Variants in RCBTB2 observed in about 807,000 individuals in gnomAD.
The protein encoded by RCBTB2 is RCC1 and BTB domain-containing protein 2.
In RCBTB2, 55 loss-of-function variants were observed where a neutral mutation model predicts 65.4. The ratio of observed to expected loss-of-function variants is 0.84; its 90% CI spans 0.68 to 1.05. RCBTB2 has a LOEUF of 1.05. Among genes scored for constraint, RCBTB2 ranks in the 50% least tolerant of loss-of-function variants. The probability of loss-of-function intolerance (pLI) is 0.00; values close to 1 mark genes in which losing one functional copy is unlikely to be tolerated. For missense variants in RCBTB2, 599 were observed against 680.1 expected, an observed-to-expected ratio of 0.88 and a Z score of 1.33; for synonymous variants, 220 against 255.2, an observed-to-expected ratio of 0.86 and a Z score of 1.31.
chr13:48,525,741 A>C (rs1252248181), intron 1 of RCBTB2, among the ~76,000 whole-genome samples: 1 of 152,122 alleles, frequency 6.6e-6, no homozygotes, highest in Non-Finnish European at 1.5e-5. Flanking sequence ...TATGCATACT[A>C]TATAGCTATT....
At chr13:48,498,024 C>G (rs1950054647) in intron 13 of RCBTB2, among the ~76,000 whole-genome samples, 1 of 152,252 alleles carries the variant, frequency 6.6e-6, no homozygotes, top group Non-Finnish European at 1.5e-5. Flanking sequence ...GAACCTGGGA[C>G]TGCCTGCATA....
chr13:48,493,225 T>TCACACACACACACACACA lies in RCBTB2; in HGVS notation c.1515+2948_1515+2965dup, dbSNP rs3085589. Among the ~76,000 whole-genome samples the TCACACACACACACACACA allele has an allele frequency of 9.3e-3, 1,018 of 109,062 alleles. 55 individuals carry two copies. Among genetic ancestry groups the TCACACACACACACACACA allele is most frequent in the African/African-American group, 0.047 (842 of 18,066 alleles). The allele number at this position is 109,062 out of a possible 152,430, so 71.5% of individuals were successfully genotyped here. On this transcript the variant is annotated intron_variant, in intron 14 of 14. Coordinates refer to ENST00000344532, the MANE Select transcript of RCBTB2 (RefSeq NM_001268.4). ...TATACAGCCTCCTAAGTACCCTCCT[T>TCACACACACACACACACA]CACACACACACACACACACACACAC...
chr13:48,499,222 G>C (rs1950124124), intron 13 of RCBTB2, among the ~76,000 whole-genome samples: 1 of 150,186 alleles, frequency 6.7e-6, no homozygotes, highest in Non-Finnish European at 1.5e-5. Flanking sequence ...AGAATTTTTA[G>C]CCAAGCTACG....
At chr13:48,505,342 G>A (rs1051230356) in intron 10 of RCBTB2, among the ~76,000 whole-genome samples, 6 of 152,166 alleles carry the variant, frequency 3.9e-5, no homozygotes, top group Admixed American at 3.3e-4. Context: ...GCATCTTTTA[G>A]GTGGAGACCA....
intron 14 of RCBTB2, among the ~76,000 whole-genome samples, chr13:48,494,249 T>C (rs1216003540): frequency 6.6e-6 from 1 of 152,240 alleles, no homozygotes; most frequent in Admixed American, 6.5e-5. Context: ...GCATGAGGGA[T>C]AATAATTTGC....
intron 1 of RCBTB2, 108 bp from the exon 2 acceptor site, chr13:48,524,865 T>G (rs1397247456): frequency 6.6e-6 from 1 of 152,142 alleles, no homozygotes; most frequent in Non-Finnish European, 1.5e-5. Context: ...AAAATACAGC[T>G]TAAAAATTGT....
At chr13:48,531,237 T>C (rs1448783677) in intron 1 of RCBTB2, among the ~76,000 whole-genome samples, 1 of 152,236 alleles carries the variant, frequency 6.6e-6, no homozygotes, top group Non-Finnish European at 1.5e-5. Context: ...TCAATTTTTG[T>C]TGAATAAATG....
At chr13:48,502,197 C>G (rs7989808) in intron 11 of RCBTB2, among the ~76,000 whole-genome samples, 1,594 of 152,238 alleles carry the variant, frequency 0.01, 22 homozygotes, top group African/African-American at 0.037. Flanking sequence ...TTAAAAAGCA[C>G]TCAAATAAGG....
intron 10 of RCBTB2, among the ~76,000 whole-genome samples, chr13:48,504,003 C>T (rs900220611): frequency 6.6e-6 from 1 of 152,206 alleles, no homozygotes; most frequent in Non-Finnish European, 1.5e-5. Context: ...GACAATGGTA[C>T]CAGCATCCTC....
intron 2 of RCBTB2, among the ~76,000 whole-genome samples, chr13:48,522,871 T>C (rs557256932): frequency 6.6e-6 from 1 of 152,258 alleles, no homozygotes; most frequent in East Asian, 1.9e-4. Context: ...ATAAAAACAA[T>C]AATCAAAATA....
At chr13:48,514,567 G>A (rs559091129) in intron 6 of RCBTB2, among the ~76,000 whole-genome samples, 1 of 152,274 alleles carries the variant, frequency 6.6e-6, no homozygotes, top group African/African-American at 2.4e-5. Flanking sequence ...TAGGATAAAG[G>A]TGCCTTCCCC....
intron 1 of RCBTB2, among the ~76,000 whole-genome samples, chr13:48,530,680 A>C (rs974806900): frequency 1.3e-5 from 2 of 152,238 alleles, no homozygotes; most frequent in Non-Finnish European, 2.9e-5. Flanking sequence ...CAATTGCAAA[A>C]ACTGTGGAGA....
In RCBTB2 at chr13:48,493,317, T is replaced by A. The variant is rs1456157450; in HGVS notation, c.1515+2874A>T. Among the ~76,000 whole-genome samples, 867 of 98,162 alleles carry A rather than the reference T, an allele frequency of 8.8e-3. 6 individuals carry two copies. The highest frequency in any genetic ancestry group is 0.07 in the African/African-American group (792 of 11,384). The allele number at this position is 98,162 out of a possible 152,430, so 64.4% of individuals were successfully genotyped here. On this transcript the variant is annotated intron_variant, in intron 14 of 14. Transcript: ENST00000344532. Reference sequence around the variant, plus strand: ...CACACACACACACACACACACACACTCTCTCTCTCTCTCTCTCTCTCTCTT... The same window carrying A: ...CACACACACACACACACACACACACACTCTCTCTCTCTCTCTCTCTCTCTT...
rs1952264469 is a variant in RCBTB2, at chr13:48,533,010, ACTC to A, written c.-219+15_-219+17del. On this transcript the variant is annotated intron_variant, in intron 1 of 14. Coordinates refer to ENST00000344532, the MANE Select transcript of RCBTB2 (RefSeq NM_001268.4). ...GCGATCCCCCTCGGCCTCCCACACC[ACTC>A]CTCCACCCTCTTACCTCCTCGCAGG... The A allele has an allele frequency of 2.2e-6, 1 of 452,894 alleles. No homozygotes were observed. The allele number at this position is 452,894 out of a possible 1,614,324, so 28.1% of individuals were successfully genotyped here.
Position 48,490,094 on chromosome 13 carries a change from C to T in RCBTB2, c.*17G>A. 2.5e-6 allele frequency: 4 copies of T among 1,613,662 alleles called. No individual in the cohort carries two copies. The highest frequency in any genetic ancestry group is 3.4e-6 in the Non-Finnish European group (4 of 1,179,810). ...CAGGGGAAATGGAAAGGCTCAAAAA[C>T]TTTCCTGCAGATGGGATCAATTTTT... On this transcript the variant is annotated 3_prime_UTR_variant, in exon 15 of 15. Transcript: ENST00000344532.
intron 4 of RCBTB2, among the ~76,000 whole-genome samples, chr13:48,518,902 A>AT (rs1951257823): frequency 6.6e-6 from 1 of 152,138 alleles, no homozygotes; most frequent in Admixed American, 6.5e-5. Flanking sequence ...TTTTTTTCCT[A>AT]TTTTAAGTCT....
chr13:48,506,536 C>T (rs1019910919), intron 10 of RCBTB2, among the ~76,000 whole-genome samples: 4 of 152,040 alleles, frequency 2.6e-5, no homozygotes, highest in Non-Finnish European at 4.4e-5. Flanking sequence ...GGGAGAGGAG[C>T]GGAAGGTGGC....
chr13:48,508,981 G>T (rs1399104537), intron 10 of RCBTB2, among the ~76,000 whole-genome samples: 1 of 152,188 alleles, frequency 6.6e-6, no homozygotes, highest in Non-Finnish European at 1.5e-5. Flanking sequence ...GGCAGATTCT[G>T]TGAGACCAGG....
intron 13 of RCBTB2, among the ~76,000 whole-genome samples, chr13:48,497,124 A>G (rs550101712): frequency 6.6e-6 from 1 of 152,150 alleles, no homozygotes; most frequent in Non-Finnish European, 1.5e-5. Context: ...ACAGAATTTG[A>G]TATGGTTGAT....
Sources: allele counts gnomAD v4.1 joint callset (sites outside exome capture counted in the v4.1 genomes callset), GRCh38; gene constraint gnomAD v4.1.1; transcripts MANE v1.5; gene names NCBI Gene and HGNC (gene_info 2026-07-23, HGNC 2026-07-21).